Variants in RBMS3 observed in about 807,000 individuals in gnomAD.
RBMS3 encodes the protein RNA-binding motif, single-stranded-interacting protein 3.
RBMS3 carries 27 observed loss-of-function variants against 66.8 expected under a neutral mutation model. The observed-to-expected ratio is 0.40, with a 90% CI of 0.30 to 0.56. The LOEUF (loss-of-function observed/expected upper bound fraction) is 0.56. RBMS3 is among the 20% of genes least tolerant of loss of function. The pLI, the probability that RBMS3 is intolerant of heterozygous loss-of-function variation, is 0.40. For missense variants in RBMS3, 513 were observed against 549.5 expected, an observed-to-expected ratio of 0.93 and a Z score of 0.66; for synonymous variants, 188 against 183.0, an observed-to-expected ratio of 1.03 and a Z score of -0.22.
intron 1 of RBMS3, among the ~76,000 whole-genome samples, chr3:29,352,458 A>C (rs1196682505): frequency 2.6e-5 from 4 of 152,006 alleles, no homozygotes; most frequent in Non-Finnish European, 4.4e-5. Context: ...TTTTATATTT[A>C]TTTTTAACTG....
chr3:29,392,991 AT>A (rs1380486829), intron 1 of RBMS3, among the ~76,000 whole-genome samples: 1 of 151,964 alleles, frequency 6.6e-6, no homozygotes, highest in East Asian at 1.9e-4. Flanking sequence ...ACCCTGCTGA[AT>A]TTTTTTTCCT....
intron 12 of RBMS3, among the ~76,000 whole-genome samples, chr3:29,971,583 T>A (rs1466240292): frequency 6.6e-6 from 1 of 152,160 alleles, no homozygotes; most frequent in Non-Finnish European, 1.5e-5. Context: ...TAATTTTTTA[T>A]GTTCTCCTTG....
chr3:29,944,138 TA>T, intron 11 of RBMS3, 68 bp from the exon 12 acceptor site: 1 of 1,414,052 alleles, frequency 7.1e-7, no homozygotes, highest in Non-Finnish European at 9.9e-7. Flanking sequence ...TTCCACGTGT[TA>T]GGGCTGATTC....
intron 6 of RBMS3, among the ~76,000 whole-genome samples, chr3:29,801,377 C>T (rs908653904): frequency 6.6e-6 from 1 of 151,286 alleles, no homozygotes; most frequent in African/African-American, 2.4e-5. Context: ...AAGCGATTCT[C>T]CTGCCTCAGC....
intron 11 of RBMS3, 93 bp from the exon 12 acceptor site, chr3:29,944,114 C>T (rs1282912183): frequency 2.6e-6 from 3 of 1,152,400 alleles, no homozygotes; most frequent in Non-Finnish European, 3.8e-6. Flanking sequence ...AACCATATGA[C>T]ACACAGCGGA....
chr3:29,503,080 G>C (rs2044038847), intron 3 of RBMS3, among the ~76,000 whole-genome samples: 1 of 152,112 alleles, frequency 6.6e-6, no homozygotes, highest in South Asian at 2.1e-4. Context: ...ATGTTTGGGG[G>C]TCATTATCTT....
intron 3 of RBMS3, among the ~76,000 whole-genome samples, chr3:29,576,117 GGTTTGGGCTT>G (rs889618926): frequency 1.3e-4 from 20 of 152,166 alleles, no homozygotes; most frequent in African/African-American, 4.8e-4. Context: ...TTGTGTTCAT[GGTTTGGGCTT>G]GTTTGTGCCC....
intron 6 of RBMS3, among the ~76,000 whole-genome samples, chr3:29,789,671 C>T (rs1028347295): frequency 6.6e-6 from 1 of 152,112 alleles, no homozygotes; most frequent in African/African-American, 2.4e-5. Flanking sequence ...CACCACCACC[C>T]ATCATTCCTC....
intron 2 of RBMS3, among the ~76,000 whole-genome samples, chr3:29,479,752 T>A (rs2043068428): frequency 6.6e-6 from 1 of 152,222 alleles, no homozygotes; most frequent in African/African-American, 2.4e-5. Flanking sequence ...TTATTTTTCC[T>A]TTGCATTGCT....
At position 30,004,057 on chromosome 3, in the gene RBMS3, C is replaced by G; in HGVS notation, c.*195C>G. On this transcript the variant is annotated 3_prime_UTR_variant, in exon 15 of 15. Transcript: ENST00000383767. ...GCTGTGCAAATGGTCTTCATGTGGT[C>G]TGACAATTTATTTTTGCCATCATTT... 1 of 386,030 alleles carries G rather than the reference C, an allele frequency of 2.6e-6. No homozygotes were observed. The highest frequency in any genetic ancestry group is 4.5e-6 in the Non-Finnish European group (1 of 220,832). The allele number at this position is 386,030 out of a possible 1,614,324, so 23.9% of individuals were successfully genotyped here.
At chr3:29,794,124 G>A (rs2149431774) in intron 6 of RBMS3, among the ~76,000 whole-genome samples, 1 of 152,266 alleles carries the variant, frequency 6.6e-6, no homozygotes, top group East Asian at 1.9e-4. Flanking sequence ...AGGACCTTGA[G>A]CCAATTAAAC....
intron 14 of RBMS3, among the ~76,000 whole-genome samples, chr3:29,997,824 C>A (rs1699348217): frequency 6.6e-6 from 1 of 152,068 alleles, no homozygotes; most frequent in Admixed American, 6.5e-5. Context: ...ACTGAATGGG[C>A]AAAAACTGGA....
intron 4 of RBMS3, among the ~76,000 whole-genome samples, chr3:29,601,479 C>A (rs1381675758): frequency 6.6e-6 from 1 of 151,926 alleles, no homozygotes; most frequent in Non-Finnish European, 1.5e-5. Flanking sequence ...TAGAGACAGA[C>A]TTTTGGGCTG....
chr3:29,713,938 C>A (rs2053280068), intron 4 of RBMS3, among the ~76,000 whole-genome samples: 2 of 151,932 alleles, frequency 1.3e-5, no homozygotes, highest in South Asian at 4.2e-4. Context: ...GCCTGTAGTC[C>A]CAGCTACTCT....
rs185887513 is a variant in RBMS3 at position 29,499,170 on chromosome 3, A to G, written c.307+10671A>G. The stretch of plus-strand genomic sequence containing the variant: ...TTGTTTTACAAGTTTAAAGGAAAAA[A>G]ATGCCTAAAGATTCTTGACTCCTTA... On this transcript the variant is annotated intron_variant, in intron 3 of 14. Transcript: ENST00000383767. Among the ~76,000 whole-genome samples, 181 of 152,290 alleles carry G rather than the reference A, an allele frequency of 1.2e-3. 2 individuals are homozygous for G. The highest frequency in any genetic ancestry group is 4.2e-3 in the African/African-American group (176 of 41,560).
intron 4 of RBMS3, among the ~76,000 whole-genome samples, chr3:29,733,253 T>G (rs544734747): frequency 2.0e-5 from 3 of 152,224 alleles, no homozygotes; most frequent in African/African-American, 7.2e-5. Context: ...TGAGATAGCA[T>G]TTTTTCACCC....
chr3:29,456,435 T>A (rs2042193362), intron 2 of RBMS3, among the ~76,000 whole-genome samples: 1 of 152,206 alleles, frequency 6.6e-6, no homozygotes, highest in African/African-American at 2.4e-5. Context: ...GCAGCAGCGA[T>A]GAGCTTGGCT....
chr3:30,002,659 TA>T (rs1400822169), intron 14 of RBMS3, among the ~76,000 whole-genome samples: 1 of 152,074 alleles, frequency 6.6e-6, no homozygotes, highest in Non-Finnish European at 1.5e-5. Flanking sequence ...AACCTATTGA[TA>T]AAAATTGAAT....
intron 6 of RBMS3, among the ~76,000 whole-genome samples, chr3:29,807,189 CTG>C (rs572284786): frequency 4.2e-4 from 64 of 151,976 alleles, no homozygotes; most frequent in Non-Finnish European, 4.3e-4. Context: ...GAACATAAAA[CTG>C]TCAGTATCAA....
Sources: allele counts gnomAD v4.1 joint callset (sites outside exome capture counted in the v4.1 genomes callset), GRCh38; gene constraint gnomAD v4.1.1; transcripts MANE v1.5; gene names NCBI Gene and HGNC (gene_info 2026-07-23, HGNC 2026-07-21).